TSPAN12: variants seen among roughly 807,000 people sequenced by gnomAD.
The protein encoded by TSPAN12 is tetraspanin 12.
TSPAN12 carries 19 observed loss-of-function variants against 39.2 expected under a neutral mutation model. The observed-to-expected ratio is 0.49, with a 90% CI of 0.34 to 0.71. The LOEUF is 0.71. TSPAN12 is among the 30% of genes least tolerant of loss of function. The pLI, the probability that TSPAN12 is intolerant of heterozygous loss-of-function variation, is 0.01. For missense variants in TSPAN12, 314 were observed against 359.9 expected (o/e 0.87, Z 1.03); for synonymous variants, 119 against 124.8 (o/e 0.95, Z 0.31).
At chr7:120,832,810 T>C (rs1794411767) in intron 4 of TSPAN12, among the ~76,000 whole-genome samples, 1 of 152,066 alleles carries the variant, frequency 6.6e-6, no homozygotes. Context: ...TTTGACAAGA[T>C]AAGCAAAAAT....
At chr7:120,841,784 G>A (rs1794583956) in intron 2 of TSPAN12, among the ~76,000 whole-genome samples, 1 of 152,176 alleles carries the variant, frequency 6.6e-6, no homozygotes, top group Non-Finnish European at 1.5e-5. Context: ...TAGAAGTTAG[G>A]TGGGAAGTAG....
intron 7 of TSPAN12, among the ~76,000 whole-genome samples, chr7:120,805,434 A>AAT (rs1793852837): frequency 6.6e-6 from 1 of 152,120 alleles, no homozygotes; most frequent in Non-Finnish European, 1.5e-5. Context: ...ACCACCTTGA[A>AAT]ATATATCAAA....
chr7:120,857,360 G>C (rs533846323), intron 1 of TSPAN12: 1 of 158,004 alleles, frequency 6.3e-6, no homozygotes, highest in Admixed American at 6.0e-5. Context: ...GAATGCAAGG[G>C]ACTGGGGCGG....
intron 7 of TSPAN12, among the ~76,000 whole-genome samples, chr7:120,802,955 C>T (rs1562939543): frequency 1.3e-5 from 2 of 152,160 alleles, no homozygotes; most frequent in African/African-American, 4.8e-5. Flanking sequence ...ATTTCCTTGA[C>T]TTCAGACTAC....
intron 2 of TSPAN12, among the ~76,000 whole-genome samples, chr7:120,847,598 T>G (rs2116492777): frequency 6.6e-6 from 1 of 152,314 alleles, no homozygotes; most frequent in Admixed American, 6.5e-5. Context: ...GCTGAACCTC[T>G]CCCTTTTCCT....
chr7:120,799,904 ATATT>A (rs1199017278), intron 7 of TSPAN12, among the ~76,000 whole-genome samples: 2 of 142,886 alleles, frequency 1.4e-5, no homozygotes, highest in Non-Finnish European at 3.0e-5. Context: ...AATATTTAAT[ATATT>A]TATTATATTA....
chr7:120,789,238 C>T (rs1793473069), intron 7 of TSPAN12, among the ~76,000 whole-genome samples: 1 of 152,104 alleles, frequency 6.6e-6, no homozygotes, highest in Non-Finnish European at 1.5e-5. Context: ...ATTTTGGGCT[C>T]TGTGGGCCAT....
chr7:120,854,710 A>G (rs1181576595), intron 2 of TSPAN12, among the ~76,000 whole-genome samples: 4 of 152,246 alleles, frequency 2.6e-5, no homozygotes, highest in African/African-American at 7.2e-5. Flanking sequence ...CAGCAAAAAA[A>G]TCAAGAATTT....
chr7:120,799,567 TATTTATATAATTATATGTAATAATATA>T (rs1793710106), intron 7 of TSPAN12, among the ~76,000 whole-genome samples: 7 of 110,270 alleles, frequency 6.3e-5, no homozygotes, highest in Admixed American at 4.4e-4. Context: ...TAAATATAAT[TATTTATATAATTATATGTAATAATATA>T]ATTATATATA....
At chr7:120,833,043 A>T (rs1239805837) in intron 4 of TSPAN12, among the ~76,000 whole-genome samples, 4 of 152,122 alleles carry the variant, frequency 2.6e-5, no homozygotes, top group Non-Finnish European at 5.9e-5. Context: ...AATGCTAACA[A>T]CTACCAGCTG....
chr7:120,835,355 T>C (rs1226679148), intron 4 of TSPAN12, among the ~76,000 whole-genome samples: 1 of 152,160 alleles, frequency 6.6e-6, no homozygotes, highest in Non-Finnish European at 1.5e-5. Flanking sequence ...CATTTAATAA[T>C]TACCTATCTC....
chr7:120,815,909 A>G (rs1056779856), intron 4 of TSPAN12, 106 bp from the exon 5 acceptor site: 2 of 950,420 alleles, frequency 2.1e-6, no homozygotes, highest in Non-Finnish European at 3.3e-6. Flanking sequence ...AACAGAGGCA[A>G]GTTTTCATGA....
intron 4 of TSPAN12, among the ~76,000 whole-genome samples, chr7:120,825,228 T>C (rs1266610484): frequency 3.3e-5 from 5 of 152,102 alleles, no homozygotes; most frequent in Admixed American, 3.3e-4. Flanking sequence ...TCTGCTACAC[T>C]GAAAGAAAAG....
chr7:120,840,893 T>C (rs1794564732), intron 2 of TSPAN12, among the ~76,000 whole-genome samples: 1 of 152,184 alleles, frequency 6.6e-6, no homozygotes, highest in Admixed American at 6.5e-5. Context: ...AGAAAAAAGA[T>C]CCTCAATGGC....
In TSPAN12 at chr7:120,787,606, T is replaced by C. The variant is rs1793433606; in HGVS notation, c.*986A>G. The stretch of plus-strand genomic sequence containing the variant: ...GAATTTATATTGACTTGGAGACTAT[T>C]GCTTCTTGTTTGGAGAAGGCAAAGA... On this transcript the variant is annotated 3_prime_UTR_variant, in exon 8 of 8. Transcript: ENST00000222747. The C allele has an allele frequency of 6.6e-6, 1 of 152,390 alleles. No individual in the cohort carries two copies. The highest frequency in any genetic ancestry group is 6.5e-5 in the Admixed American group (1 of 15,284). The allele number at this position is 152,390 out of a possible 1,614,324, so 9.4% of individuals were successfully genotyped here. A position where few individuals can be genotyped will look rare whatever the true frequency, so the allele number is the denominator to read the frequency against.
chr7:120,793,368 T>C (rs1044538504), intron 7 of TSPAN12, among the ~76,000 whole-genome samples: 7 of 152,248 alleles, frequency 4.6e-5, no homozygotes, highest in African/African-American at 1.7e-4. Context: ...TGCAATTGTA[T>C]TGACACATCA....
chr7:120,820,823 C>T (rs1222272906), intron 4 of TSPAN12, among the ~76,000 whole-genome samples: 2 of 152,130 alleles, frequency 1.3e-5, no homozygotes, highest in Non-Finnish European at 2.9e-5. Flanking sequence ...CCTTGGGTTT[C>T]TCTAATTTGA....
intron 7 of TSPAN12, among the ~76,000 whole-genome samples, chr7:120,799,644 T>C (rs1206099773): frequency 3.0e-5 from 3 of 100,956 alleles, no homozygotes; most frequent in African/African-American, 1.3e-4. Context: ...TATATACTTA[T>C]ATATAATTAA....
chr7:120,814,645 ATAAG>A (rs1794045930), intron 5 of TSPAN12, among the ~76,000 whole-genome samples: 1 of 152,250 alleles, frequency 6.6e-6, no homozygotes, highest in Non-Finnish European at 1.5e-5. Flanking sequence ...GCAAATGTTA[ATAAG>A]TAATAATACC....
Sources: allele counts gnomAD v4.1 joint callset (sites outside exome capture counted in the v4.1 genomes callset), GRCh38; gene constraint gnomAD v4.1.1; transcripts MANE v1.5; gene names NCBI Gene and HGNC (gene_info 2026-07-23, HGNC 2026-07-21).